The following SEMA3E variants were observed in gnomAD, a reference collection of about 807,000 sequenced individuals.
SEMA3E encodes the protein semaphorin 3E, also known as semaphorin-3E.
SEMA3E carries 49 observed loss-of-function variants against 93.6 expected under a neutral mutation model. The observed-to-expected ratio is 0.52, with a 90% CI of 0.42 to 0.66. The LOEUF (loss-of-function observed/expected upper bound fraction) is 0.66. Among genes scored for constraint, SEMA3E ranks in the 30% least tolerant of loss-of-function variants. The pLI, the probability that SEMA3E is intolerant of heterozygous loss-of-function variation, is 0.00. For missense variants in SEMA3E, 906 were observed against 964.8 expected, an observed-to-expected ratio of 0.94 and a Z score of 0.81; for synonymous variants, 363 against 330.7, an observed-to-expected ratio of 1.10 and a Z score of -1.06.
At chr7:83,441,665 A>G (rs533170481) in intron 4 of SEMA3E, among the ~76,000 whole-genome samples, 6 of 152,298 alleles carry the variant, frequency 3.9e-5, no homozygotes, top group African/African-American at 1.4e-4. Flanking sequence ...GCTCCATTTT[A>G]TGGAGGAGGA....
Position 83,367,597 on chromosome 7 carries a change from G to A in SEMA3E, c.2317C>T (p.Leu773=). ...ATAGTCTCACCCCATCAGGAGTCCAGCGTGTGCCTGGGCAGGCGGTAATGC... is the reference window on the plus strand; with the variant it reads ...ATAGTCTCACCCCATCAGGAGTCCAACGTGTGCCTGGGCAGGCGGTAATGC... ...PEHYRLPRHT[L]DS Residue 773 remains leucine (L), a synonymous_variant, in exon 17 of 17, where the codon CTG becomes TTG. Transcript: ENST00000643230. The A allele has an allele frequency of 6.2e-7, 1 of 1,614,090 alleles. No homozygotes were observed.
intron 1 of SEMA3E, among the ~76,000 whole-genome samples, chr7:83,629,823 C>T (rs1057172089): frequency 6.6e-6 from 1 of 152,130 alleles, no homozygotes; most frequent in Non-Finnish European, 1.5e-5. Flanking sequence ...GCGTTCCAGG[C>T]ACCACTGGGG....
chr7:83,475,503 T>A (rs1013130969), intron 2 of SEMA3E, among the ~76,000 whole-genome samples: 8 of 152,240 alleles, frequency 5.3e-5, no homozygotes, highest in African/African-American at 1.9e-4. Flanking sequence ...AGCCCCCTTA[T>A]AAGATTGGGA....
intron 1 of SEMA3E, among the ~76,000 whole-genome samples, chr7:83,630,041 G>T (rs1167789059): frequency 6.6e-6 from 1 of 152,134 alleles, no homozygotes; most frequent in East Asian, 1.9e-4. Context: ...CTAGGGGAGG[G>T]TGTTCCCCAA....
intron 1 of SEMA3E, among the ~76,000 whole-genome samples, chr7:83,630,421 G>A (rs913449171): frequency 1.3e-5 from 2 of 152,052 alleles, no homozygotes; most frequent in Admixed American, 1.3e-4. Context: ...TAAGTTAGAG[G>A]ATTAATATTA....
In SEMA3E at chr7:83,366,500, A is replaced by G. The variant is rs1794670853; in HGVS notation, c.*1086T>C. The G allele has an allele frequency of 6.6e-6, 1 of 152,040 alleles. No homozygotes were observed. The highest frequency in any genetic ancestry group is 6.6e-5 in the Admixed American group (1 of 15,250). 9.4% of individuals were successfully genotyped at this position (152,040 alleles called of 1,614,324 possible). A position where few individuals can be genotyped will look rare whatever the true frequency, so the allele number is the denominator to read the frequency against. ...AGCAAATCACTTTAATATTTTTTTC[A>G]CAAATAAAACACGGTTGTTATAGTA... On this transcript the variant is annotated 3_prime_UTR_variant, in exon 17 of 17. Transcript: ENST00000643230.
intron 4 of SEMA3E, among the ~76,000 whole-genome samples, chr7:83,419,755 C>T (rs117202436): frequency 0.031 from 4,114 of 133,092 alleles, 80 homozygotes; most frequent in Non-Finnish European, 0.047. Flanking sequence ...TTATATCCTT[C>T]GTCCACTCTT....
At chr7:83,521,170 A>G (rs1039963596) in intron 1 of SEMA3E, among the ~76,000 whole-genome samples, 1 of 151,862 alleles carries the variant, frequency 6.6e-6, no homozygotes, top group African/African-American at 2.4e-5. Context: ...GTTCTTGCCC[A>G]TAAGAATTTT....
At chr7:83,524,401 T>C (rs1344133299) in intron 1 of SEMA3E, among the ~76,000 whole-genome samples, 1 of 152,132 alleles carries the variant, frequency 6.6e-6, no homozygotes, top group Non-Finnish European at 1.5e-5. Flanking sequence ...TTATATCAAT[T>C]TGGACATTTA....
At chr7:83,502,774 T>C (rs186216767) in intron 1 of SEMA3E, among the ~76,000 whole-genome samples, 295 of 152,300 alleles carry the variant, frequency 1.9e-3, no homozygotes, top group Middle Eastern at 3.4e-3. Context: ...ACATGTTCCA[T>C]AAGAAATTGT....
At chr7:83,388,440 G>A (rs1787928546) in intron 14 of SEMA3E, among the ~76,000 whole-genome samples, 1 of 151,280 alleles carries the variant, frequency 6.6e-6, no homozygotes, top group African/African-American at 2.4e-5. Context: ...AGTATTAATA[G>A]TATTGAAATT....
intron 1 of SEMA3E, among the ~76,000 whole-genome samples, chr7:83,597,999 A>G (rs769612896): frequency 5.9e-5 from 9 of 152,220 alleles, no homozygotes; most frequent in Non-Finnish European, 1.3e-4. Flanking sequence ...CTGGAAGTTA[A>G]AAGGAAGAGA....
intron 1 of SEMA3E, among the ~76,000 whole-genome samples, chr7:83,604,157 G>A (rs1793055258): frequency 6.6e-6 from 1 of 152,032 alleles, no homozygotes; most frequent in African/African-American, 2.4e-5. Context: ...AAGTACATTA[G>A]CAAAGCAAAT....
chr7:83,536,699 C>T (rs1029551323), intron 1 of SEMA3E, among the ~76,000 whole-genome samples: 2 of 151,998 alleles, frequency 1.3e-5, no homozygotes, highest in Non-Finnish European at 2.9e-5. Flanking sequence ...AACCAGACAA[C>T]AACATAAAAC....
At chr7:83,430,590 A>C (rs929236704) in intron 4 of SEMA3E, among the ~76,000 whole-genome samples, 2 of 152,150 alleles carry the variant, frequency 1.3e-5, no homozygotes, top group Non-Finnish European at 1.5e-5. Context: ...AGAAAACCAA[A>C]CACCACATGT....
chr7:83,500,590 C>CCTTTTT (rs1554333218), intron 1 of SEMA3E, among the ~76,000 whole-genome samples: 1 of 100,616 alleles, frequency 9.9e-6, no homozygotes, highest in East Asian at 3.3e-4. Context: ...AACTTTCTTC[C>CCTTTTT]TTTTTTTTTT....
intron 14 of SEMA3E, among the ~76,000 whole-genome samples, chr7:83,387,562 A>T (rs1000008781): frequency 6.6e-6 from 1 of 152,016 alleles, no homozygotes; most frequent in African/African-American, 2.4e-5. Context: ...ACAATAAGAC[A>T]TAAACTAATA....
chr7:83,581,481 A>G (rs994057487), intron 1 of SEMA3E, among the ~76,000 whole-genome samples: 2 of 152,026 alleles, frequency 1.3e-5, no homozygotes, highest in Admixed American at 6.6e-5. Flanking sequence ...AATTACACAT[A>G]CTTTTTAAAC....
At chr7:83,394,531 G>A (rs1453179999) in intron 12 of SEMA3E, among the ~76,000 whole-genome samples, 193 bp from the exon 13 acceptor site, 1 of 152,004 alleles carries the variant, frequency 6.6e-6, no homozygotes, top group East Asian at 1.9e-4. Flanking sequence ...CTAACAGGGT[G>A]GGCAGATATG....
Sources: allele counts gnomAD v4.1 joint callset (sites outside exome capture counted in the v4.1 genomes callset), GRCh38; gene constraint gnomAD v4.1.1; transcripts MANE v1.5; gene names NCBI Gene and HGNC (gene_info 2026-07-23, HGNC 2026-07-21).